ASTN2: variants seen among roughly 807,000 people sequenced by gnomAD.
The protein encoded by ASTN2 is astrotactin 2.
In ASTN2, 54 loss-of-function variants were observed where a neutral mutation model predicts 139.8. The observed-to-expected ratio is 0.39, with a 90% CI of 0.31 to 0.48. The LOEUF (loss-of-function observed/expected upper bound fraction) is 0.48, where lower values mean the gene tolerates loss of function less well. Among genes scored for constraint, ASTN2 ranks in the 20% least tolerant of loss-of-function variants. ASTN2 has a pLI of 0.95. For missense variants in ASTN2, 1,565 were observed against 1,725.1 expected (o/e 0.91, Z 1.64); for synonymous variants, 756 against 719.5 (o/e 1.05, Z -0.81).
At chr9:116,761,651 G>T (rs369906862) in intron 13 of ASTN2, among the ~76,000 whole-genome samples, 1 of 152,166 alleles carries the variant, frequency 6.6e-6, no homozygotes, top group Non-Finnish European at 1.5e-5. Flanking sequence ...ATGGGTGATA[G>T]CAGGTAAGAC....
chr9:117,252,536 T>C (rs963872221), intron 2 of ASTN2, among the ~76,000 whole-genome samples: 2 of 152,180 alleles, frequency 1.3e-5, no homozygotes, highest in African/African-American at 4.8e-5. Flanking sequence ...ATGGTGCTAA[T>C]GGCCCAGTGT....
Position 116,725,683 on chromosome 9 carries a change from T to C in ASTN2, c.2806+88A>G, listed in dbSNP as rs567604429. 2.5e-5 allele frequency: 34 copies of C among 1,366,706 alleles called. No homozygotes were observed. In the East Asian group the frequency reaches 5.5e-4, roughly 22 times the overall value. 84.7% of individuals were successfully genotyped at this position (1,366,706 alleles called of 1,614,324 possible). On this transcript the variant is annotated intron_variant, in intron 16 of 22. Transcript: ENST00000313400. Reference sequence around the variant, plus strand: ...GCTTAGACGTGGCAGAGCCAGGATTTAGATCCAAGGCAGCTCAGTTGTCTC... The same window carrying C: ...GCTTAGACGTGGCAGAGCCAGGATTCAGATCCAAGGCAGCTCAGTTGTCTC...
intron 20 of ASTN2, among the ~76,000 whole-genome samples, chr9:116,445,452 A>G (rs962438332): frequency 2.0e-5 from 3 of 152,196 alleles, no homozygotes; most frequent in Non-Finnish European, 2.9e-5. Flanking sequence ...CAAAATATGA[A>G]AAGTAGGAAT....
chr9:116,474,764 A>T (rs1848923952), intron 20 of ASTN2, among the ~76,000 whole-genome samples: 1 of 152,238 alleles, frequency 6.6e-6, no homozygotes, highest in South Asian at 2.1e-4. Flanking sequence ...AATGAAAAAG[A>T]AACTGAGGAT....
At chr9:116,931,091 C>T (rs1834883375) in intron 10 of ASTN2, among the ~76,000 whole-genome samples, 1 of 152,140 alleles carries the variant, frequency 6.6e-6, no homozygotes, top group Non-Finnish European at 1.5e-5. Flanking sequence ...GCCACGTACA[C>T]TCCCCTGCTC....
At chr9:116,503,209 C>A (rs558260477) in intron 19 of ASTN2, among the ~76,000 whole-genome samples, 3 of 151,768 alleles carry the variant, frequency 2.0e-5, no homozygotes, top group South Asian at 2.1e-4. Flanking sequence ...AGGAAGGGCA[C>A]GGCAGGACCA....
rs992634543 is a variant in ASTN2 at position 117,414,663 on chromosome 9, AGCCCCG to A, written c.270_275del (p.Ala92_Gly93del). 1.4e-5 allele frequency: 18 copies of A among 1,282,604 alleles called. No individual in the cohort carries two copies. The highest frequency in any genetic ancestry group is 9.5e-5 in the African/African-American group (6 of 63,290). 79.5% of individuals were successfully genotyped at this position (1,282,604 alleles called of 1,614,324 possible). A position where few individuals can be genotyped will look rare whatever the true frequency, so the allele number is the denominator to read the frequency against. On this transcript the variant is annotated inframe_deletion, in exon 1 of 23. Coordinates refer to ENST00000313400, the MANE Select transcript of ASTN2 (RefSeq NM_001365068.1). This position sits in a 1 kb window ranked among gnomAD's most constrained non-coding sequence, Gnocchi z 4.2. ...CGGCGGCGGCTCCGGCCCCGGTCCCAGCCCCGGCCCCGGCGCGGGCGCCGCTCCAGC... is the reference window on the plus strand; with the variant it reads ...CGGCGGCGGCTCCGGCCCCGGTCCCAGCCCCGGCGCGGGCGCCGCTCCAGC...
chr9:116,621,141 AAC>A (rs1242261421), intron 17 of ASTN2, among the ~76,000 whole-genome samples: 1 of 152,182 alleles, frequency 6.6e-6, no homozygotes, highest in Non-Finnish European at 1.5e-5. Context: ...GGAGCCAGAA[AAC>A]AGTTTCTATA....
intron 10 of ASTN2, among the ~76,000 whole-genome samples, chr9:116,877,373 C>T (rs935240685): frequency 1.3e-5 from 2 of 152,132 alleles, no homozygotes; most frequent in Admixed American, 1.3e-4. Context: ...GGAACAGTCA[C>T]TCAACAAATA....
chr9:116,957,894 T>G (rs1835760794), intron 10 of ASTN2, among the ~76,000 whole-genome samples: 1 of 152,206 alleles, frequency 6.6e-6, no homozygotes, highest in Non-Finnish European at 1.5e-5. Flanking sequence ...TTGGCCAGGA[T>G]GGTCTCGATC....
At chr9:116,738,016 C>A (rs925194141) in intron 13 of ASTN2, among the ~76,000 whole-genome samples, 1 of 150,672 alleles carries the variant, frequency 6.6e-6, no homozygotes, top group African/African-American at 2.4e-5. Context: ...CACGGTGAAA[C>A]CCCGTCTCTA....
chr9:116,993,436 C>A (rs1836915972), intron 7 of ASTN2, among the ~76,000 whole-genome samples: 1 of 151,774 alleles, frequency 6.6e-6, no homozygotes, highest in African/African-American at 2.4e-5. Context: ...GCAACATGTA[C>A]AGCCCCCTCT....
intron 1 of ASTN2, among the ~76,000 whole-genome samples, chr9:117,317,070 C>G (rs1252947622): frequency 6.6e-6 from 1 of 152,088 alleles, no homozygotes; most frequent in African/African-American, 2.4e-5. Flanking sequence ...TTTCCCTCTA[C>G]TTTCCCTCCC....
chr9:117,383,223 T>C (rs990890049), intron 1 of ASTN2, among the ~76,000 whole-genome samples: 48 of 152,186 alleles, frequency 3.2e-4, no homozygotes, highest in African/African-American at 1.1e-3. Context: ...TCACAGGACA[T>C]ACAAAGAGGC....
intron 17 of ASTN2, among the ~76,000 whole-genome samples, chr9:116,628,945 A>G (rs532447858): frequency 6.6e-6 from 1 of 152,164 alleles, no homozygotes; most frequent in Non-Finnish European, 1.5e-5. Context: ...ACAGATGACG[A>G]GCATACCATT....
At chr9:116,995,460 C>A (rs554209461) in intron 7 of ASTN2, among the ~76,000 whole-genome samples, 23 of 152,264 alleles carry the variant, frequency 1.5e-4, no homozygotes, top group African/African-American at 4.3e-4. Context: ...CTAATTCCAC[C>A]ATTCATTTTT....
At chr9:117,271,834 C>T (rs1834072744) in intron 2 of ASTN2, among the ~76,000 whole-genome samples, 1 of 152,190 alleles carries the variant, frequency 6.6e-6, no homozygotes, top group East Asian at 1.9e-4. Context: ...TTGGGCAGCT[C>T]CACCCCTGTG....
intron 3 of ASTN2, among the ~76,000 whole-genome samples, chr9:117,195,289 A>C (rs1360902492): frequency 6.6e-6 from 1 of 152,150 alleles, no homozygotes; most frequent in Non-Finnish European, 1.5e-5. Flanking sequence ...GGAAGGAAAG[A>C]GGGTAGTTTT....
intron 1 of ASTN2, among the ~76,000 whole-genome samples, chr9:117,387,128 T>G (rs1830421309): frequency 6.6e-6 from 1 of 152,172 alleles, no homozygotes; most frequent in African/African-American, 2.4e-5. Context: ...GGGGCTTGTA[T>G]CTATATACTA....
Sources: gnomAD v4.1 joint callset for allele counts (sites outside exome capture counted in the v4.1 genomes callset) on GRCh38, gnomAD v4.1.1 for gene constraint, Gnocchi (gnomAD v3.1) non-coding constraint, MANE v1.5 for transcripts, NCBI Gene and HGNC (gene_info 2026-07-23, HGNC 2026-07-21) for gene names.